SLC4A11: variants seen among roughly 807,000 people sequenced by gnomAD.
The protein encoded by SLC4A11 is solute carrier family 4 member 11.
SLC4A11 carries 74 observed loss-of-function variants against 95.0 expected under a neutral mutation model. That is an observed-to-expected ratio of 0.78 (90% CI 0.65 to 0.95). The LOEUF (loss-of-function observed/expected upper bound fraction) is 0.95, where lower values mean the gene tolerates loss of function less well. Ranked by LOEUF, SLC4A11 falls within the 40% of genes least tolerant of loss-of-function variation. The probability of loss-of-function intolerance (pLI) is 0.00; values close to 1 mark genes in which losing one functional copy is unlikely to be tolerated. For synonymous variants in SLC4A11, 548 were observed against 519.0 expected, an observed-to-expected ratio of 1.06 and a Z score of -0.76; for missense variants, 1,081 against 1,192.4, an observed-to-expected ratio of 0.91 and a Z score of 1.38.
At chr20:3,229,060 G>GCGGC in intron 16 of SLC4A11, 35 bp downstream of exon 16, 6 of 1,542,134 alleles carry the variant, frequency 3.9e-6, no homozygotes, top group Non-Finnish European at 5.2e-6. Context: ...AGAGGCCCGG[G>GCGGC]CCCCGCCCAC....
Position 3,229,662 on chromosome 20 carries a change from G to A in SLC4A11, c.1604C>T (p.Ala535Val). 6.2e-7 allele frequency: 1 copy of A among 1,613,872 alleles called. No individual in the cohort carries two copies. The highest frequency in any genetic ancestry group is 8.5e-7 in the Non-Finnish European group (1 of 1,179,982). Residue 535 changes from alanine (A) to valine (V), a missense_variant, in exon 14 of 20, where the codon GCC (alanine) becomes GTC (valine). Physicochemically the swap from Ala to Val is moderately conservative, Grantham distance 64. Coordinates refer to ENST00000642402, the MANE Select transcript of SLC4A11 (RefSeq NM_001174089.2). Reference sequence around the variant, plus strand: ...GCTGGCGAGGAAGCTGGCGTTGAGGGCAGTGTGGAGGCTGGCGTTGAGGCT... The same window carrying A: ...GCTGGCGAGGAAGCTGGCGTTGAGGACAGTGTGGAGGCTGGCGTTGAGGCT... ...GASLNASLHTALNASFLASPT... is the reference protein window; with the variant it reads ...GASLNASLHTVLNASFLASPT...
At chr20:3,236,449 T>G (rs776475135) in intron 2 of SLC4A11, among the ~76,000 whole-genome samples, 1 of 151,728 alleles carries the variant, frequency 6.6e-6, no homozygotes, top group Non-Finnish European at 1.5e-5. Context: ...ATTAGCCGGG[T>G]GTGGTGGCGG....
At chr20:3,228,095 C>G (rs139017795) in intron 19 of SLC4A11, among the ~76,000 whole-genome samples, 164 bp downstream of exon 19, 22 of 143,342 alleles carry the variant, frequency 1.5e-4, no homozygotes, top group African/African-American at 5.7e-4. Flanking sequence ...CTCCCCAGCC[C>G]GCCCACTCTC....
upstream of SLC4A11, chr20:3,239,204 G>C (rs2068081534): frequency 3.0e-6 from 4 of 1,343,068 alleles, no homozygotes; most frequent in South Asian, 3.6e-5. Context: ...CCCCAAACTC[G>C]GCGACTCGGG....
At chr20:3,237,951 G>T in intron 1 of SLC4A11, 1 of 1,550,612 alleles carries the variant, frequency 6.4e-7, no homozygotes, top group Non-Finnish European at 8.7e-7. Context: ...CGAGAGGAAG[G>T]GACCGGGCCC....
chr20:3,233,391 G>C (rs1281326013), intron 7 of SLC4A11, 123 bp downstream of exon 7: 2 of 1,440,976 alleles, frequency 1.4e-6, no homozygotes, highest in Non-Finnish European at 1.9e-6. Flanking sequence ...CCACAGGGCC[G>C]AGGCGAAGGG....
intron 1 of SLC4A11, chr20:3,238,514 G>C: frequency 1.0e-6 from 1 of 993,950 alleles, no homozygotes; most frequent in Non-Finnish European, 1.2e-6. Context: ...CTTCCGTCCC[G>C]GCGGCCCACG....
chr20:3,237,853 A>G (rs1223108842), intron 1 of SLC4A11: 2 of 1,552,240 alleles, frequency 1.3e-6, no homozygotes, highest in Admixed American at 3.9e-5. Context: ...AGGAGGAGAG[A>G]CGTTCCAGGG....
chr20:3,235,124 G>T (rs2067927917), intron 2 of SLC4A11, among the ~76,000 whole-genome samples: 1 of 152,174 alleles, frequency 6.6e-6, no homozygotes, highest in African/African-American at 2.4e-5. Context: ...CTGAGACCAG[G>T]ACCCTGCGCA....
chr20:3,235,414 A>C (rs1261063898), intron 2 of SLC4A11, among the ~76,000 whole-genome samples: 1 of 151,268 alleles, frequency 6.6e-6, no homozygotes, highest in Non-Finnish European at 1.5e-5. Context: ...GGTGGGGAGA[A>C]GCATCGAGGC....
At chr20:3,237,118 G>A (rs1246226253) in intron 2 of SLC4A11, among the ~76,000 whole-genome samples, 1 of 152,204 alleles carries the variant, frequency 6.6e-6, no homozygotes, top group Non-Finnish European at 1.5e-5. Flanking sequence ...AGCTGGACTG[G>A]TACAAGCAGG....
At position 3,227,871 on chromosome 20, in the gene SLC4A11, G is replaced by A. The variant is rs1421798262; in HGVS notation, c.2559-15C>T. 6.2e-7 allele frequency: 1 copy of A among 1,611,402 alleles called. No individual in the cohort carries two copies. Among genetic ancestry groups the A allele is most frequent in the South Asian group, 1.1e-5 (1 of 90,796 alleles). The stretch of plus-strand genomic sequence containing the variant: ...GCAGGATATAGCTGTGGGGAGGGAG[G>A]GACAGGAGGATGAGCCTGGGTCAGA... On this transcript the variant is annotated splice_polypyrimidine_tract_variant and intron_variant, in intron 19 of 19. Transcript: ENST00000642402.
In SLC4A11 at chr20:3,229,571, CATG is replaced by C; in HGVS notation, c.1692_1694del (p.Ile564del). 1 of 1,612,916 alleles carries C rather than the reference CATG, an allele frequency of 6.2e-7. No homozygotes were observed. Among genetic ancestry groups the C allele is most frequent in the Non-Finnish European group, 8.5e-7 (1 of 1,179,936 alleles). The stretch of plus-strand genomic sequence containing the variant: ...TGTAGCCCAGCCAGAGCGTGCCCAG[CATG>C]ATGAGGAGGCTGAGCACGGCGGTCG... On this transcript the variant is annotated inframe_deletion, in exon 14 of 20. Coordinates refer to ENST00000642402, the MANE Select transcript of SLC4A11 (RefSeq NM_001174089.2).
Position 3,230,993 on chromosome 20 carries a change from A to G in SLC4A11, c.1108T>C (p.Cys370Arg). The part of the protein sequence containing the change: ...ITTTLFLYFA[C>R]LLPTIAFGSL... Reference sequence around the variant, plus strand: ...CCGAAAGCGATGGTGGGCAGGAGGCAGGCGAAGTAGAGGAACAGGGTGGTG... The same window carrying G: ...CCGAAAGCGATGGTGGGCAGGAGGCGGGCGAAGTAGAGGAACAGGGTGGTG... The change falls in exon 10 of 20, where the codon TGC becomes CGC. Residue 370 changes from cysteine (C) to arginine (R), a missense_variant. By Grantham distance (180) the Cys-to-Arg change is radical. Around this residue, in one of 3 missense-constraint regions of SLC4A11, gnomAD observed 767 missense variants for 858.0 expected, o/e 0.89. Coordinates refer to ENST00000642402, the MANE Select transcript of SLC4A11 (RefSeq NM_001174089.2). 1 of 1,611,906 alleles carries G rather than the reference A, an allele frequency of 6.2e-7. No individual in the cohort carries two copies. The highest frequency in any genetic ancestry group is 1.1e-5 in the South Asian group (1 of 91,006).
At chr20:3,232,668 A>G (rs1313365406) in intron 7 of SLC4A11, among the ~76,000 whole-genome samples, 2 of 152,234 alleles carry the variant, frequency 1.3e-5, no homozygotes, top group Non-Finnish European at 2.9e-5. Context: ...AGCTGAGATC[A>G]CACCTCAACA....
upstream of SLC4A11, chr20:3,239,422 G>T (rs922622561): frequency 9.3e-7 from 1 of 1,071,428 alleles, no homozygotes; most frequent in Non-Finnish European, 1.1e-6. Flanking sequence ...GAGTAGACCC[G>T]GCTCCTTCGA....
At position 3,227,703 on chromosome 20, in the gene SLC4A11, C is replaced by T; in HGVS notation, c.*84G>A. On this transcript the variant is annotated 3_prime_UTR_variant, in exon 20 of 20. Transcript: ENST00000642402. The stretch of plus-strand genomic sequence containing the variant: ...GCGCAGCACAGAGCAGTCACCCACA[C>T]ACCTACACCTCCCCTCACAGCTCCA... 1 of 1,449,558 alleles carries T rather than the reference C, an allele frequency of 6.9e-7. No homozygotes were observed. The highest frequency in any genetic ancestry group is 9.6e-7 in the Non-Finnish European group (1 of 1,046,576). 89.8% of individuals were successfully genotyped at this position (1,449,558 alleles called of 1,614,324 possible).
intron 1 of SLC4A11, chr20:3,237,819 G>C: frequency 6.4e-7 from 1 of 1,570,076 alleles, no homozygotes; most frequent in Non-Finnish European, 8.6e-7. Context: ...ATCTGCTAGG[G>C]GCTGCCCAGG....
Position 3,239,118 on chromosome 20 carries a change from C to A in SLC4A11, c.20G>T (p.Arg7Leu), listed in dbSNP as rs2068078358. 2 of 1,476,790 alleles carry A rather than the reference C, an allele frequency of 1.4e-6. No homozygotes were observed. Among genetic ancestry groups the A allele is most frequent in the East Asian group, 3.0e-5 (1 of 33,534 alleles). The allele number at this position is 1,476,790 out of a possible 1,614,324, so 91.5% of individuals were successfully genotyped here. A position where few individuals can be genotyped will look rare whatever the true frequency, so the allele number is the denominator to read the frequency against. Residue 7 changes from arginine to leucine, a missense_variant, in exon 1 of 20, where the codon CGC becomes CTC. Arg to Leu is a moderately radical substitution (Grantham distance 102). Transcript: ENST00000642402. The stretch of plus-strand genomic sequence containing the variant: ...ACCGCACGGCTGCAGATGGAACACG[C>A]GCCTGGTGGCCGCGGCCATGGCACA... MAAATR[R>L]VFHLQPCENS...
Sources: allele counts gnomAD v4.1 joint callset (sites outside exome capture counted in the v4.1 genomes callset), GRCh38; gene constraint gnomAD v4.1.1; regional missense constraint gnomAD v4.1.1; transcripts MANE v1.5; gene names NCBI Gene and HGNC (gene_info 2026-07-23, HGNC 2026-07-21).